FAM110B: variants seen among roughly 807,000 people sequenced by gnomAD.
The protein encoded by FAM110B is protein FAM110B.
FAM110B carries 6 observed loss-of-function variants against 20.4 expected under a neutral mutation model. That is an observed-to-expected ratio of 0.29 (90% confidence interval 0.16 to 0.58). FAM110B has a LOEUF of 0.58. Ranked by LOEUF, FAM110B falls within the 20% of genes least tolerant of loss-of-function variation. The pLI is 0.90. For missense variants in FAM110B, 434 were observed against 498.2 expected (o/e 0.87, Z 1.23); for synonymous variants, 226 against 214.1 (o/e 1.06, Z -0.49).
chr8:58,123,784 C>T (rs1563378142), intron 3 of FAM110B, among the ~76,000 whole-genome samples: 1 of 152,126 alleles, frequency 6.6e-6, no homozygotes, highest in Non-Finnish European at 1.5e-5. Flanking sequence ...GTCAGCTATG[C>T]CAGACTTGTT....
At chr8:58,144,251 T>G (rs1803806330) in intron 3 of FAM110B, among the ~76,000 whole-genome samples, 1 of 152,220 alleles carries the variant, frequency 6.6e-6, no homozygotes, top group Non-Finnish European at 1.5e-5. Context: ...AGTTGCATCC[T>G]GGCCCAGGCT....
At chr8:58,141,513 G>A (rs1330129528) in intron 3 of FAM110B, among the ~76,000 whole-genome samples, 1 of 152,182 alleles carries the variant, frequency 6.6e-6, no homozygotes, top group Admixed American at 6.5e-5. Flanking sequence ...AGACACAGGG[G>A]AATTACTCAT....
chr8:58,050,422 AG>A, intron 2 of FAM110B, among the ~76,000 whole-genome samples: 1 of 152,228 alleles, frequency 6.6e-6, no homozygotes, highest in African/African-American at 2.4e-5. Flanking sequence ...GTTCTCTGTC[AG>A]GGTCTCCAGC....
intron 1 of FAM110B, among the ~76,000 whole-genome samples, chr8:58,023,549 A>G (rs1346475388): frequency 6.6e-6 from 1 of 152,200 alleles, no homozygotes; most frequent in African/African-American, 2.4e-5. Flanking sequence ...TGGCCCTACC[A>G]TTCTCTCCTG....
intron 3 of FAM110B, among the ~76,000 whole-genome samples, chr8:58,105,130 T>TCC: frequency 6.6e-6 from 1 of 151,916 alleles, no homozygotes; most frequent in Admixed American, 6.6e-5. Context: ...GGGGAGGTGG[T>TCC]AATTTCTAAG....
intron 3 of FAM110B, among the ~76,000 whole-genome samples, chr8:58,133,089 T>C (rs765535136): frequency 2.0e-5 from 3 of 152,224 alleles, no homozygotes; most frequent in Admixed American, 1.3e-4. Flanking sequence ...TAATGAAAGA[T>C]GTATTTTGCC....
intron 3 of FAM110B, among the ~76,000 whole-genome samples, chr8:58,114,270 A>C (rs1807140743): frequency 6.6e-6 from 1 of 152,212 alleles, no homozygotes; most frequent in African/African-American, 2.4e-5. Context: ...TAGAAGCCAC[A>C]GTTGCTATTC....
At chr8:57,994,936 G>C (rs1333994824) in intron 1 of FAM110B, 130 bp downstream of exon 1, 2 of 152,198 alleles carry the variant, frequency 1.3e-5, no homozygotes, top group East Asian at 3.9e-4. Flanking sequence ...GCGGAGCTAA[G>C]CCGGCTCTGC....
chr8:58,062,271 T>A (rs1206626410), intron 2 of FAM110B, among the ~76,000 whole-genome samples: 1 of 152,228 alleles, frequency 6.6e-6, no homozygotes, highest in African/African-American at 2.4e-5. Flanking sequence ...AAATCATCAC[T>A]GTTTATGCAT....
intron 3 of FAM110B, among the ~76,000 whole-genome samples, chr8:58,117,525 G>T (rs572180438): frequency 6.6e-6 from 1 of 152,262 alleles, no homozygotes; most frequent in Non-Finnish European, 1.5e-5. Flanking sequence ...AGCCTGCCTT[G>T]TTCAAATTCC....
At chr8:58,134,949 A>C (rs951751096) in intron 3 of FAM110B, among the ~76,000 whole-genome samples, 1 of 152,212 alleles carries the variant, frequency 6.6e-6, no homozygotes, top group South Asian at 2.1e-4. Context: ...GTGAATGGTC[A>C]AAAGAGTAGA....
intron 3 of FAM110B, among the ~76,000 whole-genome samples, chr8:58,121,968 T>G (rs891008428): frequency 6.6e-6 from 1 of 152,188 alleles, no homozygotes; most frequent in Non-Finnish European, 1.5e-5. Context: ...TATCTCTTTC[T>G]TTGTAGGTTT....
intron 3 of FAM110B, among the ~76,000 whole-genome samples, chr8:58,115,108 A>G (rs1294134303): frequency 2.0e-5 from 3 of 152,034 alleles, no homozygotes; most frequent in African/African-American, 4.8e-5. Flanking sequence ...AATCTTTTCC[A>G]AAATATTTCA....
At position 58,146,947 on chromosome 8, in the gene FAM110B, C is replaced by T. The variant is rs1259017553; in HGVS notation, c.717C>T (p.Pro239=). Residue 239 remains proline (P), a synonymous_variant, in exon 4 of 4, where the codon CCC becomes CCT. Coordinates refer to ENST00000519262, the MANE Select transcript of FAM110B (RefSeq NM_001377989.1). ...KIAAIASMKS[P]EADPVEPACG... ...CAGCCATCGCCTCCATGAAGTCCCC[C>T]GAGGCCGACCCTGTGGAACCAGCTT... The T allele has an allele frequency of 1.2e-6, 2 of 1,614,200 alleles. No homozygotes were observed. The highest frequency in any genetic ancestry group is 1.7e-6 in the Non-Finnish European group (2 of 1,180,038).
chr8:58,093,156 G>A lies in FAM110B; in HGVS notation c.-325+17533G>A, dbSNP rs528697195. Among the ~76,000 whole-genome samples the A allele has an allele frequency of 1.0e-3, 153 of 152,160 alleles. 1 individual carries two copies. Among genetic ancestry groups the A allele is most frequent in the African/African-American group, 3.4e-3 (140 of 41,500 alleles). ...TGTCGATTCTGGATATTAGCCCTTC[G>A]TCAGATGGATAGATTGCAAAAGTTT... On this transcript the variant is annotated intron_variant, in intron 3 of 3. Coordinates refer to ENST00000519262, the MANE Select transcript of FAM110B (RefSeq NM_001377989.1).
chr8:58,081,156 C>T (rs1018231466), intron 3 of FAM110B, among the ~76,000 whole-genome samples: 10 of 152,170 alleles, frequency 6.6e-5, no homozygotes, highest in Non-Finnish European at 1.3e-4. Flanking sequence ...TGGTCACCTG[C>T]CTCTAGTTTC....
At chr8:58,080,517 A>G (rs1806162763) in intron 3 of FAM110B, among the ~76,000 whole-genome samples, 2 of 152,162 alleles carry the variant, frequency 1.3e-5, no homozygotes, top group South Asian at 2.1e-4. Context: ...CCTGTAAATC[A>G]TGTGCTACCA....
chr8:58,002,336 TC>T (rs1179695022), intron 1 of FAM110B, among the ~76,000 whole-genome samples: 1 of 152,208 alleles, frequency 6.6e-6, no homozygotes, highest in Admixed American at 6.5e-5. Context: ...AAAGTATACT[TC>T]CCAAGTTGGT....
At chr8:58,135,375 A>G (rs1369933004) in intron 3 of FAM110B, among the ~76,000 whole-genome samples, 5 of 152,220 alleles carry the variant, frequency 3.3e-5, no homozygotes, top group Admixed American at 3.3e-4. Context: ...GGAAGTGGTC[A>G]TTACTAACAG....
Sources: allele counts gnomAD v4.1 joint callset (sites outside exome capture counted in the v4.1 genomes callset), GRCh38; gene constraint gnomAD v4.1.1; transcripts MANE v1.5; gene names NCBI Gene and HGNC (gene_info 2026-07-23, HGNC 2026-07-21).